TMEM135: variants seen among roughly 807,000 people sequenced by gnomAD.
TMEM135 encodes peroxisomal membrane protein 52.
TMEM135 carries 30 observed loss-of-function variants against 60.3 expected under a neutral mutation model. That is an observed-to-expected ratio of 0.50 (90% CI 0.37 to 0.68). The LOEUF is 0.68. TMEM135 is among the 30% of genes least tolerant of loss of function. The pLI is 0.00. For synonymous variants in TMEM135, 190 were observed against 186.7 expected, an observed-to-expected ratio of 1.02 and a Z score of -0.14; for missense variants, 468 against 548.8, an observed-to-expected ratio of 0.85 and a Z score of 1.47.
intron 4 of TMEM135, among the ~76,000 whole-genome samples, chr11:87,147,232 A>G (rs1327939000): frequency 6.6e-6 from 1 of 152,236 alleles, no homozygotes; most frequent in Non-Finnish European, 1.5e-5. Context: ...CTGAGGCACA[A>G]GAATCGCTTG....
intron 4 of TMEM135, among the ~76,000 whole-genome samples, chr11:87,112,129 A>T (rs1459221633): frequency 2.6e-5 from 4 of 152,158 alleles, no homozygotes; most frequent in Non-Finnish European, 4.4e-5. Context: ...AAAGGGCTGG[A>T]TATAATAGCA....
Position 87,328,800 on chromosome 11 carries a change from CAAT to C in TMEM135, c.*7470_*7472del, listed in dbSNP as rs967436760. 2 of 453,892 alleles carry C rather than the reference CAAT, an allele frequency of 4.4e-6. No homozygotes were observed. Among genetic ancestry groups the C allele is most frequent in the Middle Eastern group, 6.8e-4 (1 of 1,466 alleles). The allele number at this position is 453,892 out of a possible 1,614,324, so 28.1% of individuals were successfully genotyped here. A position where few individuals can be genotyped will look rare whatever the true frequency, so the allele number is the denominator to read the frequency against. ...TCTTTGCAATTGTGAACTGTGTTAA[CAAT>C]AAAAATATATATACGAGTGTCTTTT... On this transcript the variant is annotated 3_prime_UTR_variant, in exon 15 of 15. Coordinates refer to ENST00000305494, the MANE Select transcript of TMEM135 (RefSeq NM_022918.4).
intron 1 of TMEM135, among the ~76,000 whole-genome samples, chr11:87,054,078 G>C (rs1949868818): frequency 6.6e-6 from 1 of 152,134 alleles, no homozygotes; most frequent in African/African-American, 2.4e-5. Context: ...TATACTTGAG[G>C]GGAATCAATA....
intron 4 of TMEM135, among the ~76,000 whole-genome samples, chr11:87,124,249 A>C (rs1937658714): frequency 6.6e-6 from 1 of 152,214 alleles, no homozygotes; most frequent in East Asian, 1.9e-4. Flanking sequence ...AGAAGTTCTA[A>C]AGAGTCGAGT....
intron 3 of TMEM135, among the ~76,000 whole-genome samples, chr11:87,076,458 A>G (rs565712217): frequency 6.6e-6 from 1 of 152,332 alleles, no homozygotes; most frequent in South Asian, 2.1e-4. Context: ...GGCCTAGGGT[A>G]GGTTCAGAAA....
chr11:87,067,659 G>A (rs761114618), intron 1 of TMEM135, 35 bp from the exon 2 acceptor site: 2 of 1,611,492 alleles, frequency 1.2e-6, no homozygotes, highest in East Asian at 4.5e-5. Context: ...GGGAAATGTT[G>A]GTTGGATTAA....
At chr11:87,057,533 G>A (rs1366073571) in intron 1 of TMEM135, among the ~76,000 whole-genome samples, 4 of 152,118 alleles carry the variant, frequency 2.6e-5, no homozygotes, top group East Asian at 1.9e-4. Flanking sequence ...TTTATGATGC[G>A]ATTTCTTCAT....
chr11:87,124,349 A>G (rs182009482), intron 4 of TMEM135, among the ~76,000 whole-genome samples: 10 of 152,266 alleles, frequency 6.6e-5, no homozygotes, highest in Admixed American at 3.3e-4. Context: ...CAGCTCTAAC[A>G]TTCCCCTCCT....
chr11:87,181,971 G>A (rs1489517174), intron 5 of TMEM135, among the ~76,000 whole-genome samples: 2 of 150,590 alleles, frequency 1.3e-5, no homozygotes, highest in African/African-American at 4.9e-5. Flanking sequence ...TTTTTAAAGA[G>A]AGAATTGTTT....
chr11:87,181,128 C>G (rs1247445093), intron 5 of TMEM135, among the ~76,000 whole-genome samples: 2 of 152,096 alleles, frequency 1.3e-5, no homozygotes, highest in Non-Finnish European at 2.9e-5. Flanking sequence ...AAAGAACCAA[C>G]AGAAACTTTT....
At chr11:87,216,599 G>A (rs186366431) in intron 5 of TMEM135, among the ~76,000 whole-genome samples, 36 of 152,168 alleles carry the variant, frequency 2.4e-4, no homozygotes, top group African/African-American at 8.4e-4. Context: ...AAGTTTTGCA[G>A]GTCTGGTTTT....
chr11:87,141,671 A>T (rs1938265239), intron 4 of TMEM135, among the ~76,000 whole-genome samples: 1 of 152,150 alleles, frequency 6.6e-6, no homozygotes, highest in South Asian at 2.1e-4. Context: ...TTAGGTAGAA[A>T]GTTGTTCACT....
intron 4 of TMEM135, among the ~76,000 whole-genome samples, chr11:87,120,110 C>T (rs866895372): frequency 9.7e-4 from 127 of 130,914 alleles, no homozygotes; most frequent in African/African-American, 2.8e-3. Flanking sequence ...TTTTTTTCTT[C>T]TTCTTCTTTT....
rs1436072050 is a variant in TMEM135, at chr11:87,324,334, G to A, written c.*3001G>A. On this transcript the variant is annotated 3_prime_UTR_variant, in exon 15 of 15. Coordinates refer to ENST00000305494, the MANE Select transcript of TMEM135 (RefSeq NM_022918.4). ...TTAGGAAGCTTCTTGTGGGACTGAA[G>A]GGAACTGACCACTGGAGCAATGGCC... 4.4e-6 allele frequency: 2 copies of A among 454,036 alleles called. No homozygotes were observed. The highest frequency in any genetic ancestry group is 8.8e-6 in the Non-Finnish European group (2 of 226,776). 28.1% of individuals were successfully genotyped at this position (454,036 alleles called of 1,614,324 possible). A position where few individuals can be genotyped will look rare whatever the true frequency, so the allele number is the denominator to read the frequency against.
chr11:87,163,821 C>G (rs1453923702), intron 5 of TMEM135, among the ~76,000 whole-genome samples: 1 of 140,370 alleles, frequency 7.1e-6, no homozygotes, highest in African/African-American at 2.7e-5. Context: ...TGTTTTTTGC[C>G]TGCATAAATG....
chr11:87,187,397 T>C (rs1939679145), intron 5 of TMEM135, among the ~76,000 whole-genome samples: 1 of 152,214 alleles, frequency 6.6e-6, no homozygotes, highest in Non-Finnish European at 1.5e-5. Flanking sequence ...AAATAGTTAC[T>C]ATTTGTCATA....
At chr11:87,269,070 T>C (rs1941809123) in intron 6 of TMEM135, among the ~76,000 whole-genome samples, 1 of 151,786 alleles carries the variant, frequency 6.6e-6, no homozygotes, top group Admixed American at 6.6e-5. Flanking sequence ...GGCTAGTTTT[T>C]TTTTTTTGAA....
At chr11:87,038,844 C>A (rs1949727409) in intron 1 of TMEM135, among the ~76,000 whole-genome samples, 1 of 151,940 alleles carries the variant, frequency 6.6e-6, no homozygotes, top group South Asian at 2.1e-4. Flanking sequence ...TCACCTAGGA[C>A]CTTCTGTTAC....
In TMEM135 at chr11:87,289,676, G is replaced by A. The variant is rs568213969; in HGVS notation, c.510-6106G>A. 2.0e-5 allele frequency among the ~76,000 whole-genome samples: 3 copies of A among 152,026 alleles called. No homozygotes were observed. In the South Asian group the frequency reaches 6.3e-4, roughly 32 times the overall value. On this transcript the variant is annotated intron_variant, in intron 6 of 14. Transcript: ENST00000305494. ...TCACCATGTTGGCCAGGCTGGTCTT[G>A]AAATCCTGACCTCAGGTAATCCGCC...
Sources: gnomAD v4.1 joint callset for allele counts (sites outside exome capture counted in the v4.1 genomes callset) on GRCh38, gnomAD v4.1.1 for gene constraint, MANE v1.5 for transcripts, NCBI Gene and HGNC (gene_info 2026-07-23, HGNC 2026-07-21) for gene names.